Variants in PRKCB observed in about 807,000 individuals in gnomAD.
PRKCB encodes protein kinase C beta.
Under a neutral mutation model 81.5 loss-of-function variants are expected in PRKCB, and 13 were observed. The observed-to-expected ratio is 0.16, with a 90% CI of 0.10 to 0.25. PRKCB has a LOEUF of 0.25. Ranked by LOEUF, PRKCB falls within the 10% of genes least tolerant of loss-of-function variation. The pLI is 1.00. For synonymous variants in PRKCB, 335 were observed against 321.4 expected, an observed-to-expected ratio of 1.04 and a Z score of -0.45; for missense variants, 509 against 875.7, an observed-to-expected ratio of 0.58 and a Z score of 5.29.
intron 2 of PRKCB, among the ~76,000 whole-genome samples, chr16:23,898,509 A>T (rs1038264585): frequency 5.3e-5 from 8 of 152,190 alleles, no homozygotes; most frequent in Non-Finnish European, 1.2e-4. Context: ...TACACAGGTA[A>T]TAATACAATT....
intron 2 of PRKCB, among the ~76,000 whole-genome samples, chr16:23,939,608 A>G (rs537462346): frequency 6.6e-6 from 1 of 152,208 alleles, no homozygotes; most frequent in Non-Finnish European, 1.5e-5. Flanking sequence ...CAATGGAGAA[A>G]TGAATTTTCA....
At chr16:23,981,375 G>T (rs1425284767) in intron 2 of PRKCB, among the ~76,000 whole-genome samples, 2 of 151,980 alleles carry the variant, frequency 1.3e-5, no homozygotes, top group Non-Finnish European at 2.9e-5. Flanking sequence ...GGCTCATCCA[G>T]ATAATCTAGT....
At chr16:24,114,065 A>G (rs1027807371) in intron 8 of PRKCB, among the ~76,000 whole-genome samples, 2 of 151,308 alleles carry the variant, frequency 1.3e-5, no homozygotes, top group African/African-American at 4.9e-5. Context: ...AAAAATACAA[A>G]AAAATTAGCT....
intron 9 of PRKCB, among the ~76,000 whole-genome samples, chr16:24,145,743 C>T (rs1316860874): frequency 6.6e-6 from 1 of 152,204 alleles, no homozygotes; most frequent in African/African-American, 2.4e-5. Flanking sequence ...ATTTGCACTG[C>T]TCCCTCAGGA....
At chr16:24,082,829 A>G (rs994287408) in intron 5 of PRKCB, among the ~76,000 whole-genome samples, 4 of 143,934 alleles carry the variant, frequency 2.8e-5, no homozygotes, top group Admixed American at 2.1e-4. Context: ...CGTGACCCAT[A>G]AAAGAAAAAA....
intron 5 of PRKCB, among the ~76,000 whole-genome samples, chr16:24,073,909 G>A (rs531778991): frequency 2.0e-5 from 3 of 152,208 alleles, no homozygotes; most frequent in South Asian, 4.2e-4. Context: ...TTGGGAGGCC[G>A]AGGCAGGCGG....
At chr16:23,997,819 T>C (rs1372878385) in intron 3 of PRKCB, among the ~76,000 whole-genome samples, 2 of 152,210 alleles carry the variant, frequency 1.3e-5, no homozygotes, top group Non-Finnish European at 2.9e-5. Context: ...CAGGTGGAAT[T>C]ATGTCCTTGT....
intron 2 of PRKCB, among the ~76,000 whole-genome samples, chr16:23,891,656 G>T (rs755649948): frequency 6.6e-5 from 10 of 152,140 alleles, no homozygotes; most frequent in Non-Finnish European, 2.9e-5. Context: ...ACAAAGAAGG[G>T]TGAGGCTTGA....
chr16:24,097,993 T>C (rs1050191393), intron 7 of PRKCB, among the ~76,000 whole-genome samples: 6 of 152,214 alleles, frequency 3.9e-5, no homozygotes, highest in Non-Finnish European at 7.3e-5. Context: ...TAATGCTGGT[T>C]GGCTTTTCCT....
intron 5 of PRKCB, among the ~76,000 whole-genome samples, chr16:24,064,568 T>C (rs1338001331): frequency 1.3e-5 from 2 of 152,198 alleles, no homozygotes; most frequent in Non-Finnish European, 2.9e-5. Flanking sequence ...TTGGATGCCA[T>C]ATTGTGTGTG....
chr16:24,025,638 G>C (rs1004995858), intron 3 of PRKCB, among the ~76,000 whole-genome samples: 2 of 152,228 alleles, frequency 1.3e-5, no homozygotes, highest in Non-Finnish European at 2.9e-5. Context: ...AGAGGATTTA[G>C]AATATAAGTT....
At chr16:23,900,761 C>T (rs1963459503) in intron 2 of PRKCB, among the ~76,000 whole-genome samples, 1 of 100,138 alleles carries the variant, frequency 1.0e-5, no homozygotes, top group South Asian at 3.4e-4. Context: ...GTGGCTGTCC[C>T]ATACGGTCTT....
At chr16:24,135,187 T>C (rs1325697252) in intron 9 of PRKCB, among the ~76,000 whole-genome samples, 1 of 151,764 alleles carries the variant, frequency 6.6e-6, no homozygotes, top group Non-Finnish European at 1.5e-5. Context: ...AGCTCCAGCA[T>C]CTCAATAGCA....
At chr16:23,943,447 GGAGCCCAGGAGGTGGAGGTTGCAGT>G (rs1964162939) in intron 2 of PRKCB, among the ~76,000 whole-genome samples, 1 of 152,116 alleles carries the variant, frequency 6.6e-6, no homozygotes, top group Non-Finnish European at 1.5e-5. Context: ...GAGGATCACT[GGAGCCCAGGAGGTGGAGGTTGCAGT>G]GAGCCATGAT....
rs149696722 is a variant in PRKCB, at chr16:24,159,400, A to G, written c.1239+4543A>G. 2.1e-3 allele frequency among the ~76,000 whole-genome samples: 313 copies of G among 152,346 alleles called. 1 individual carries two copies. The highest frequency in any genetic ancestry group is 7.3e-3 in the African/African-American group (302 of 41,576). ...CCAAAATGGCCTTGACAATGATGAT[A>G]CAAACAAGAACAAAAAGCAGCAGCT... On this transcript the variant is annotated intron_variant, in intron 10 of 16. Coordinates refer to ENST00000643927, the MANE Select transcript of PRKCB (RefSeq NM_002738.7).
intron 2 of PRKCB, among the ~76,000 whole-genome samples, chr16:23,844,711 GTTAGCCAGGATGGTA>G (rs917162089): frequency 6.6e-6 from 1 of 151,004 alleles, no homozygotes; most frequent in African/African-American, 2.4e-5. Context: ...GTTTCACCAT[GTTAGCCAGGATGGTA>G]TCGATCTCCT....
At chr16:23,912,344 G>A (rs1963671916) in intron 2 of PRKCB, among the ~76,000 whole-genome samples, 1 of 151,886 alleles carries the variant, frequency 6.6e-6, no homozygotes, top group Non-Finnish European at 1.5e-5. Flanking sequence ...AGCCTCACCT[G>A]ATCAATGGTG....
At chr16:23,848,674 T>C (rs1019377892) in intron 2 of PRKCB, among the ~76,000 whole-genome samples, 1 of 152,042 alleles carries the variant, frequency 6.6e-6, no homozygotes, top group African/African-American at 2.4e-5. Context: ...TGGTGAAGAG[T>C]TGGTGTTTTG....
At chr16:24,214,601 C>CTTTTGT (rs1968193902) in intron 16 of PRKCB, 57 bp from the exon 17 acceptor site, 9 of 1,459,472 alleles carry the variant, frequency 6.2e-6, no homozygotes, top group East Asian at 2.3e-5. Flanking sequence ...TTTATTTTGG[C>CTTTTGT]TTTTGTTTTT....
Sources: gnomAD v4.1 joint callset for allele counts (sites outside exome capture counted in the v4.1 genomes callset) on GRCh38, gnomAD v4.1.1 for gene constraint, MANE v1.5 for transcripts, NCBI Gene and HGNC (gene_info 2026-07-23, HGNC 2026-07-21) for gene names.